Variants in TBC1D9B observed in about 807,000 individuals in gnomAD.
The protein encoded by TBC1D9B is TBC1 domain family member 9B.
Under a neutral mutation model 121.1 loss-of-function variants are expected in TBC1D9B, and 87 were observed. The observed-to-expected ratio is 0.72, with a 90% confidence interval of 0.60 to 0.86. The LOEUF is 0.86. Among genes scored for constraint, TBC1D9B ranks in the 40% least tolerant of loss-of-function variants. The probability of loss-of-function intolerance (pLI) is 0.00; values close to 1 mark genes in which losing one functional copy is unlikely to be tolerated. For missense variants in TBC1D9B, 1,540 were observed against 1,628.6 expected (o/e 0.95, Z 0.94); for synonymous variants, 668 against 670.1 (o/e 1.00, Z 0.05).
Position 179,893,163 on chromosome 5 carries a change from G to C in TBC1D9B, c.836+46C>G, listed in dbSNP as rs373747704. The C allele has an allele frequency of 1.1e-5, 17 of 1,553,100 alleles. No individual in the cohort carries two copies. The African/African-American group carries it at 2.3e-4, about 21-fold the overall frequency. The stretch of plus-strand genomic sequence containing the variant: ...CAGGCAGGTCCCAGCCAAGGTCAGC[G>C]AACCTGGCTCACATGAGCCCACCCC... On this transcript the variant is annotated intron_variant, in intron 5 of 20. Coordinates refer to ENST00000355235, the MANE Select transcript of TBC1D9B (RefSeq NM_015043.4).
Position 179,864,674 on chromosome 5 carries a change from C to T in TBC1D9B, c.3022-546G>A, listed in dbSNP as rs183814964. ...GCCCAAGAATGGGAAGAATCCTCAT[C>T]GCACGTGGTGCCCACCCTCCAGGCC... On this transcript the variant is annotated intron_variant, in intron 20 of 20. Transcript: ENST00000355235. Among the ~76,000 whole-genome samples the T allele has an allele frequency of 1.4e-4, 22 of 152,294 alleles. No homozygotes were observed. The East Asian group carries it at 2.9e-3, about 20-fold the overall frequency.
intron 8 of TBC1D9B, 109 bp downstream of exon 8, chr5:179,879,519 C>T (rs1027360990): frequency 2.6e-6 from 4 of 1,527,372 alleles, no homozygotes; most frequent in Non-Finnish European, 3.6e-6. Context: ...CACTGCCCAG[C>T]GGTCAGCCCA....
Position 179,902,864 on chromosome 5 carries a change from G to A in TBC1D9B, c.229+1838C>T, listed in dbSNP as rs565679159. ...GAAGCCAGAGATCGGGGGTCTAACT[G>A]GGCTTCCCTGCTTGGCCTTGGACAA... On this transcript the variant is annotated intron_variant, in intron 2 of 20. Transcript: ENST00000355235. The surrounding 1 kb of genome is among the most constrained non-coding windows in gnomAD (Gnocchi z 4.9). 3.0e-4 allele frequency among the ~76,000 whole-genome samples: 46 copies of A among 152,138 alleles called. No homozygotes were observed. In the South Asian group the frequency reaches 3.3e-3, roughly 11 times the overall value.
chr5:179,903,577 G>A (rs1408987649), intron 2 of TBC1D9B, among the ~76,000 whole-genome samples: 2 of 152,148 alleles, frequency 1.3e-5, no homozygotes, highest in African/African-American at 2.4e-5. Flanking sequence ...CACTTCTGTC[G>A]ACTGACCGAT....
rs761880947 is a variant in TBC1D9B at position 179,865,382 on chromosome 5, A to C, written c.2915-22T>G. The C allele has an allele frequency of 6.2e-6, 10 of 1,608,702 alleles. No homozygotes were observed. The East Asian group carries it at 2.2e-4, about 36-fold the overall frequency. On this transcript the variant is annotated intron_variant, in intron 19 of 20. Transcript: ENST00000355235. This position sits in a 1 kb window ranked among gnomAD's most constrained non-coding sequence, Gnocchi z 5.1. ...TCCTCTGCAGGTTAGGAGGAAAGAGATTAATCTTTGTCATGTGAGACGGCT... is the reference window on the plus strand; with the variant it reads ...TCCTCTGCAGGTTAGGAGGAAAGAGCTTAATCTTTGTCATGTGAGACGGCT...
intron 3 of TBC1D9B, 41 bp downstream of exon 3, chr5:179,899,148 C>G (rs530653686): frequency 6.6e-7 from 1 of 1,525,298 alleles, no homozygotes; most frequent in East Asian, 2.3e-5. Context: ...ACACTGCTGG[C>G]CAGGGAAGGG....
chr5:179,899,225 C>T lies in TBC1D9B; in HGVS notation c.312G>A (p.Glu104=), dbSNP rs1212210143. 6.2e-6 allele frequency: 10 copies of T among 1,613,964 alleles called. No individual in the cohort carries two copies. In the South Asian group the frequency reaches 1.1e-4, roughly 18 times the overall value. Residue 104 remains glutamate, a synonymous_variant, in exon 3 of 21, where the codon GAG becomes GAA. Coordinates refer to ENST00000355235, the MANE Select transcript of TBC1D9B (RefSeq NM_015043.4). ...CCTTGACGAAGGTGGTGATATCTTC[C>T]TCACTGTCGAAGATGGACAGTGTCT... The part of the protein sequence containing the change: ...LLQTLSIFDS[E]EDITTFVKGK...
chr5:179,887,734 A>G (rs1171334714), intron 7 of TBC1D9B: 1 of 292,050 alleles, frequency 3.4e-6, no homozygotes, highest in Admixed American at 5.4e-5. Flanking sequence ...TCTACCGTCA[A>G]GAACTTCAGC....
Position 179,865,486 on chromosome 5 carries a change from G to A in TBC1D9B, c.2915-126C>T. On this transcript the variant is annotated intron_variant, in intron 19 of 20. Coordinates refer to ENST00000355235, the MANE Select transcript of TBC1D9B (RefSeq NM_015043.4). The surrounding 1 kb of genome is among the most constrained non-coding windows in gnomAD (Gnocchi z 5.1). ...CAGGGCCCTATCATAAAACACCCTGGCGTTTGGGAAGGTGGTCATGGGAAA... is the reference window on the plus strand; with the variant it reads ...CAGGGCCCTATCATAAAACACCCTGACGTTTGGGAAGGTGGTCATGGGAAA... 1.1e-6 allele frequency: 1 copy of A among 896,980 alleles called. No homozygotes were observed. Among genetic ancestry groups the A allele is most frequent in the South Asian group, 1.5e-5 (1 of 67,494 alleles). 55.6% of individuals were successfully genotyped at this position (896,980 alleles called of 1,614,324 possible).
Position 179,875,926 on chromosome 5 carries a change from C to T in TBC1D9B, c.1894G>A (p.Val632Met). 2 of 1,605,772 alleles carry T rather than the reference C, an allele frequency of 1.2e-6. No homozygotes were observed. Among genetic ancestry groups the T allele is most frequent in the Non-Finnish European group, 1.7e-6 (2 of 1,177,038 alleles). The stretch of plus-strand genomic sequence containing the variant: ...AGCACCCGGGGACACTCACCCACCA[C>T]CCTGGTGTTGTAGTAGTCGGGCAGC... ...RMLPDYYNTR[V>M]VGALVDQGIF... is the part of the protein sequence containing the mutation. The change falls in exon 11 of 21, where the codon GTG becomes ATG. Residue 632 changes from valine (V) to methionine (M), a missense_variant. Coordinates refer to ENST00000355235, the MANE Select transcript of TBC1D9B (RefSeq NM_015043.4). This position sits in a 1 kb window ranked among gnomAD's most constrained non-coding sequence, Gnocchi z 4.5.
rs1383567819 is a variant in TBC1D9B at position 179,873,189 on chromosome 5, G to T, written c.2246C>A (p.Ala749Asp). Residue 749 changes from alanine (A) to aspartate (D), a missense_variant, in exon 13 of 21, where the codon GCC becomes GAC. Physicochemically the swap from Ala to Asp is moderately radical, Grantham distance 126. Coordinates refer to ENST00000355235, the MANE Select transcript of TBC1D9B (RefSeq NM_015043.4). ...GGGGTCATCGCTGCTGCTCAGCAAGGCACGGAGGTGCGGGATAGGAGGAGA... is the reference window on the plus strand; with the variant it reads ...GGGGTCATCGCTGCTGCTCAGCAAGTCACGGAGGTGCGGGATAGGAGGAGA... ...SVSPPIPHLR[A>D]LLSSSDDPPA... 1 of 1,613,362 alleles carries T rather than the reference G, an allele frequency of 6.2e-7. No individual in the cohort carries two copies. The highest frequency in any genetic ancestry group is 2.2e-5 in the East Asian group (1 of 44,882).
chr5:179,882,079 G>T (rs1760559780), intron 7 of TBC1D9B, among the ~76,000 whole-genome samples: 1 of 151,786 alleles, frequency 6.6e-6, no homozygotes, highest in Admixed American at 6.6e-5. Flanking sequence ...CAAGTAGCTG[G>T]GATTACAGGT....
At position 179,874,629 on chromosome 5, in the gene TBC1D9B, G is replaced by A. The variant is rs1216242055; in HGVS notation, c.2186+273C>T. ...GGATCTTGGCTCTGGTTTGCCCTCA[G>A]GGGAAGCATCTCCAACCCTACATCT... On this transcript the variant is annotated intron_variant, in intron 12 of 20. Coordinates refer to ENST00000355235, the MANE Select transcript of TBC1D9B (RefSeq NM_015043.4). This position sits in a 1 kb window ranked among gnomAD's most constrained non-coding sequence, Gnocchi z 4.3. Among the ~76,000 whole-genome samples the A allele has an allele frequency of 6.6e-6, 1 of 152,186 alleles. No individual in the cohort carries two copies. The highest frequency in any genetic ancestry group is 2.4e-5 in the African/African-American group (1 of 41,440).
Position 179,904,781 on chromosome 5 carries a change from C to T in TBC1D9B, c.150G>A (p.Leu50=). ...AAGGGGCCACGCGGGCACTGGAGTC[C>T]AGCACCACGTCCAGGGTGCCCACGA... is the stretch of plus-strand genomic sequence containing the variant. The part of the protein sequence containing the change: ...GLLVGTLDVV[L]DSSARVAPYR... The change falls in exon 2 of 21, where the codon CTG becomes CTA. Residue 50 remains leucine, a synonymous_variant. Coordinates refer to ENST00000355235, the MANE Select transcript of TBC1D9B (RefSeq NM_015043.4). The surrounding 1 kb of genome is among the most constrained non-coding windows in gnomAD (Gnocchi z 4.2). 6.4e-7 allele frequency: 1 copy of T among 1,572,404 alleles called. No homozygotes were observed.
In TBC1D9B at chr5:179,863,139, C is replaced by A. The variant is rs528512536; in HGVS notation, c.*309G>T. 3.9e-4 allele frequency: 154 copies of A among 393,044 alleles called. No homozygotes were observed. The highest frequency in any genetic ancestry group is 3.7e-4 in the Non-Finnish European group (80 of 215,076). 24.3% of individuals were successfully genotyped at this position (393,044 alleles called of 1,614,324 possible). Reference sequence around the variant, plus strand: ...CACAGAGGTATGAGGCAAGCAAGGGCAGATCTGAGAGCCTGTAATGCTAGG... The same window carrying A: ...CACAGAGGTATGAGGCAAGCAAGGGAAGATCTGAGAGCCTGTAATGCTAGG... On this transcript the variant is annotated 3_prime_UTR_variant, in exon 21 of 21. Coordinates refer to ENST00000355235, the MANE Select transcript of TBC1D9B (RefSeq NM_015043.4). The surrounding 1 kb of genome is among the most constrained non-coding windows in gnomAD (Gnocchi z 4.5).
At chr5:179,887,402 A>G (rs971807584) in intron 7 of TBC1D9B, among the ~76,000 whole-genome samples, 2 of 152,246 alleles carry the variant, frequency 1.3e-5, no homozygotes, top group African/African-American at 4.8e-5. Flanking sequence ...CAACTTAAAC[A>G]AGAGACACAG....
In TBC1D9B at chr5:179,864,010, A is replaced by C. The variant is rs771716008; in HGVS notation, c.3140T>G (p.Val1047Gly). The C allele has an allele frequency of 6.2e-7, 1 of 1,612,896 alleles. No homozygotes were observed. ...VASLLLRIGE[V>G]GKKFSARTGR... ...TGTGCGGGCTGAGAACTTCTTCCCC[A>C]CCTCTCCGATGCGGAGCAGGAGGCT... The change falls in exon 21 of 21, where the codon GTG becomes GGG. Residue 1047 changes from valine to glycine, a missense_variant. Transcript: ENST00000355235.
rs200585012 is a variant in TBC1D9B at position 179,875,056 on chromosome 5, C to T, written c.2032G>A (p.Val678Ile). ...ACCACGGCGCTCTCGAAGGGCATGA[C>T]GCTGAGGAAGAGGGTCAGGAACCAG... Reference protein sequence around the residue: ...LSWFLTLFLSVMPFESAVVIV... With the variant: ...LSWFLTLFLSIMPFESAVVIV... Residue 678 changes from valine (V) to isoleucine (I), a missense_variant, in exon 12 of 21, where the codon GTC (valine) becomes ATC (isoleucine). By Grantham distance (29) the Val-to-Ile change is conservative (BLOSUM62 3). Transcript: ENST00000355235. This position sits in a 1 kb window ranked among gnomAD's most constrained non-coding sequence, Gnocchi z 4.5. 3.0e-5 allele frequency: 49 copies of T among 1,613,992 alleles called. No homozygotes were observed. The South Asian group carries it at 3.5e-4, about 12-fold the overall frequency.
At chr5:179,903,781 C>A (rs1761226960) in intron 2 of TBC1D9B, among the ~76,000 whole-genome samples, 2 of 152,114 alleles carry the variant, frequency 1.3e-5, no homozygotes, top group Non-Finnish European at 2.9e-5. Context: ...TGCTTGGGAG[C>A]CATTTTAAAC....
Sources: allele counts gnomAD v4.1 joint callset (sites outside exome capture counted in the v4.1 genomes callset), GRCh38; gene constraint gnomAD v4.1.1; non-coding constraint Gnocchi (gnomAD v3.1); transcripts MANE v1.5; gene names NCBI Gene and HGNC (gene_info 2026-07-23, HGNC 2026-07-21).